The following ZNF865 variants were observed in gnomAD, a reference collection of about 807,000 sequenced individuals.
The protein encoded by ZNF865 is zinc finger protein 865.
For missense variants in ZNF865, 1,311 were observed against 1,593.4 expected (o/e 0.82, Z 3.02); for synonymous variants, 763 against 750.8 (o/e 1.02, Z -0.27).
rs377309857 is a variant in ZNF865 at position 55,609,034 on chromosome 19, G to T, written c.-27+3302G>T. ...TGTGACTTTAGAAGTTTGTTTGTTT[G>T]TTTTTGAGAAACAGAGTCTCACTCT... On this transcript the variant is annotated intron_variant, in intron 1 of 1. Coordinates refer to ENST00000568956, the MANE Select transcript of ZNF865 (RefSeq NM_001195605.2). Among the ~76,000 whole-genome samples, 25 of 152,194 alleles carry T rather than the reference G, an allele frequency of 1.6e-4. No individual in the cohort carries two copies. In the East Asian group the frequency reaches 2.5e-3, roughly 15 times the overall value.
chr19:55,614,472 C>T lies in ZNF865; in HGVS notation c.854C>T (p.Pro285Leu). Reference protein sequence around the residue: ...KDVPPAAGGPPQPGPHLPPLG... With the variant: ...KDVPPAAGGPLQPGPHLPPLG... ...GTGCCACCGGCCGCGGGGGGCCCGCCCCAGCCCGGCCCCCACCTCCCGCCG... is the reference window on the plus strand; with the variant it reads ...GTGCCACCGGCCGCGGGGGGCCCGCTCCAGCCCGGCCCCCACCTCCCGCCG... The change falls in exon 2 of 2, where the codon CCC becomes CTC. Residue 285 changes from proline to leucine, a missense_variant. By Grantham distance (98) the Pro-to-Leu change is moderately conservative. Transcript: ENST00000568956. The surrounding 1 kb of genome is among the most constrained non-coding windows in gnomAD (Gnocchi z 8.0). 7.2e-7 allele frequency: 1 copy of T among 1,382,868 alleles called. No individual in the cohort carries two copies. The highest frequency in any genetic ancestry group is 9.3e-7 in the Non-Finnish European group (1 of 1,069,594). The allele number at this position is 1,382,868 out of a possible 1,614,324, so 85.7% of individuals were successfully genotyped here.
In ZNF865 at chr19:55,615,449, T is replaced by A; in HGVS notation, c.1831T>A (p.Cys611Ser). ...TRERPYKCEL[C>S]GKVFGYPQSL... ...CGAGCGGCCCTACAAGTGCGAGCTC[T>A]GCGGCAAGGTCTTCGGCTACCCGCA... Residue 611 changes from cysteine (C) to serine (S), a missense_variant, in exon 2 of 2, where the codon TGC becomes AGC. Physicochemically the swap from Cys to Ser is moderately radical, Grantham distance 112 (BLOSUM62 -1). Transcript: ENST00000568956. 6.7e-7 allele frequency: 1 copy of A among 1,502,910 alleles called. No individual in the cohort carries two copies. The highest frequency in any genetic ancestry group is 1.2e-5 in the South Asian group (1 of 80,094). 93.1% of individuals were successfully genotyped at this position (1,502,910 alleles called of 1,614,324 possible).
chr19:55,606,929 T>C (rs924133065), intron 1 of ZNF865, among the ~76,000 whole-genome samples: 6 of 152,102 alleles, frequency 3.9e-5, no homozygotes, highest in African/African-American at 1.4e-4. Context: ...AGCTTAGCCA[T>C]GCAAAGATCT....
chr19:55,613,638 G>T lies in ZNF865; in HGVS notation c.20G>T (p.Gly7Val). 1 of 1,522,564 alleles carries T rather than the reference G, an allele frequency of 6.6e-7. No individual in the cohort carries two copies. The highest frequency in any genetic ancestry group is 8.8e-7 in the Non-Finnish European group (1 of 1,140,036). The allele number at this position is 1,522,564 out of a possible 1,614,324, so 94.3% of individuals were successfully genotyped here. The change falls in exon 2 of 2, where the codon GGC (glycine) becomes GTC (valine). Residue 7 changes from glycine to valine, a missense_variant. Physicochemically the swap from Gly to Val is moderately radical, Grantham distance 109. Coordinates refer to ENST00000568956, the MANE Select transcript of ZNF865 (RefSeq NM_001195605.2). The stretch of plus-strand genomic sequence containing the variant: ...CCGGAGATGGAGGCGAACCCAGCGG[G>T]CAGCGGCGCCGGGGGTGGCGGGAGC... Reference protein sequence around the residue: MEANPAGSGAGGGGSSG... With the variant: MEANPAVSGAGGGGSSG...
In ZNF865 at chr19:55,613,655, G is replaced by A. The variant is rs1332010044; in HGVS notation, c.37G>A (p.Gly13Ser). 2 of 1,527,644 alleles carry A rather than the reference G, an allele frequency of 1.3e-6. No individual in the cohort carries two copies. The highest frequency in any genetic ancestry group is 2.4e-5 in the East Asian group (1 of 40,844). 94.6% of individuals were successfully genotyped at this position (1,527,644 alleles called of 1,614,324 possible). A position where few individuals can be genotyped will look rare whatever the true frequency, so the allele number is the denominator to read the frequency against. ...ANPAGSGAGGGGSSGIGGEDG... is the reference protein window; with the variant it reads ...ANPAGSGAGGSGSSGIGGEDG... ...CCCAGCGGGCAGCGGCGCCGGGGGTGGCGGGAGCAGCGGCATCGGGGGCGA... is the reference window on the plus strand; with the variant it reads ...CCCAGCGGGCAGCGGCGCCGGGGGTAGCGGGAGCAGCGGCATCGGGGGCGA... Residue 13 changes from glycine (G) to serine (S), a missense_variant, in exon 2 of 2, where the codon GGC becomes AGC. Physicochemically the swap from Gly to Ser is moderately conservative, Grantham distance 56. Transcript: ENST00000568956.
intron 1 of ZNF865, 128 bp from the exon 2 acceptor site, chr19:55,613,456 AGAGGGACTG>A (rs2123589576): frequency 1.3e-6 from 1 of 786,392 alleles, no homozygotes; most frequent in African/African-American, 1.8e-5. Flanking sequence ...GTGGACAGGC[AGAGGGACTG>A]GAAGCCTAAA....
intron 1 of ZNF865, among the ~76,000 whole-genome samples, chr19:55,609,099 A>G (rs1367379369): frequency 6.6e-6 from 1 of 151,984 alleles, no homozygotes; most frequent in Non-Finnish European, 1.5e-5. Context: ...GCTCACTGCA[A>G]CCTCTGTGTC....
intron 1 of ZNF865, chr19:55,612,427 G>C (rs1239816535): frequency 2.0e-5 from 3 of 152,136 alleles, no homozygotes; most frequent in South Asian, 2.1e-4. Context: ...ACTTTTTTCA[G>C]TTCTCTAGGC....
At position 55,614,508 on chromosome 19, in the gene ZNF865, C is replaced by G; in HGVS notation, c.890C>G (p.Pro297Arg). The G allele has an allele frequency of 1.5e-6, 2 of 1,362,688 alleles. No individual in the cohort carries two copies. Among genetic ancestry groups the G allele is most frequent in the South Asian group, 3.3e-5 (2 of 60,466 alleles). 84.4% of individuals were successfully genotyped at this position (1,362,688 alleles called of 1,614,324 possible). A position where few individuals can be genotyped will look rare whatever the true frequency, so the allele number is the denominator to read the frequency against. Residue 297 changes from proline (P) to arginine (R), a missense_variant, in exon 2 of 2, where the codon CCA (proline) becomes CGA (arginine). Transcript: ENST00000568956. This position sits in a 1 kb window ranked among gnomAD's most constrained non-coding sequence, Gnocchi z 8.0. The stretch of plus-strand genomic sequence containing the variant: ...CCCCACCTCCCGCCGCTGGGCCTCC[C>G]AGCACCCGCTGCCAGCGCCGCCACC... The part of the protein sequence containing the change: ...PGPHLPPLGL[P>R]APAASAATAA...
Position 55,616,145 on chromosome 19 carries a change from C to G in ZNF865, c.2527C>G (p.Arg843Gly), listed in dbSNP as rs1360925477. Residue 843 changes from arginine (R) to glycine (G), a missense_variant, in exon 2 of 2, where the codon CGG (arginine) becomes GGG (glycine). By Grantham distance (125) the Arg-to-Gly change is moderately radical (BLOSUM62 -2). Coordinates refer to ENST00000568956, the MANE Select transcript of ZNF865 (RefSeq NM_001195605.2). ...YDLLLHRRSHRQKRGFRCPVC... is the reference protein window; with the variant it reads ...YDLLLHRRSHGQKRGFRCPVC... Reference sequence around the variant, plus strand: ...CTTGCTCCTACACCGCCGCAGCCATCGGCAGAAGCGGGGTTTCCGCTGCCC... The same window carrying G: ...CTTGCTCCTACACCGCCGCAGCCATGGGCAGAAGCGGGGTTTCCGCTGCCC... The G allele has an allele frequency of 6.7e-6, 10 of 1,501,004 alleles. No homozygotes were observed. The highest frequency in any genetic ancestry group is 8.9e-6 in the Non-Finnish European group (10 of 1,128,108). 93.0% of individuals were successfully genotyped at this position (1,501,004 alleles called of 1,614,324 possible).
Position 55,616,491 on chromosome 19 carries a change from G to A in ZNF865, c.2873G>A (p.Arg958His), listed in dbSNP as rs1403337194. ...LEHQRLHLGE[R>H]AYRCEHCGKG... Reference sequence around the variant, plus strand: ...CACCAGCGGCTGCACCTGGGCGAGCGCGCCTACCGCTGTGAGCACTGCGGC... The same window carrying A: ...CACCAGCGGCTGCACCTGGGCGAGCACGCCTACCGCTGTGAGCACTGCGGC... Residue 958 changes from arginine (R) to histidine (H), a missense_variant, in exon 2 of 2, where the codon CGC (arginine) becomes CAC (histidine). Transcript: ENST00000568956. 2 of 1,533,820 alleles carry A rather than the reference G, an allele frequency of 1.3e-6. No individual in the cohort carries two copies. The highest frequency in any genetic ancestry group is 1.7e-6 in the Non-Finnish European group (2 of 1,145,796).
chr19:55,609,337 A>G (rs998626937), intron 1 of ZNF865, among the ~76,000 whole-genome samples: 1 of 152,064 alleles, frequency 6.6e-6, no homozygotes, highest in Non-Finnish European at 1.5e-5. Context: ...TGGAAGTTTA[A>G]TTTATCTCTC....
rs1198122244 is a variant in ZNF865 at position 55,614,168 on chromosome 19, C to G, written c.550C>G (p.Pro184Ala). 2 of 1,473,146 alleles carry G rather than the reference C, an allele frequency of 1.4e-6. No individual in the cohort carries two copies. The highest frequency in any genetic ancestry group is 1.8e-6 in the Non-Finnish European group (2 of 1,119,568). 91.3% of individuals were successfully genotyped at this position (1,473,146 alleles called of 1,614,324 possible). A position where few individuals can be genotyped will look rare whatever the true frequency, so the allele number is the denominator to read the frequency against. The change falls in exon 2 of 2, where the codon CCA becomes GCA. Residue 184 changes from proline (P) to alanine (A), a missense_variant. Pro to Ala is a conservative substitution (Grantham distance 27, BLOSUM62 -1). Coordinates refer to ENST00000568956, the MANE Select transcript of ZNF865 (RefSeq NM_001195605.2). The surrounding 1 kb of genome is among the most constrained non-coding windows in gnomAD (Gnocchi z 8.0). ...TGGGCTGGGCGCTCCCGCGGGGGCC[C>G]CAGGGCCGCTTCCTGCCCCCTCGCA... Reference protein sequence around the residue: ...TPGLGAPAGAPGPLPAPSQTP... With the variant: ...TPGLGAPAGAAGPLPAPSQTP...
Position 55,613,654 on chromosome 19 carries a change from T to TGGCGGGAGCAGCGGC in ZNF865, c.37_51dup (p.Gly13_Gly17dup). The stretch of plus-strand genomic sequence containing the variant: ...ACCCAGCGGGCAGCGGCGCCGGGGG[T>TGGCGGGAGCAGCGGC]GGCGGGAGCAGCGGCATCGGGGGCG... On this transcript the variant is annotated inframe_insertion, in exon 2 of 2. Transcript: ENST00000568956. The TGGCGGGAGCAGCGGC allele has an allele frequency of 6.6e-7, 1 of 1,525,714 alleles. No individual in the cohort carries two copies. Among genetic ancestry groups the TGGCGGGAGCAGCGGC allele is most frequent in the Non-Finnish European group, 8.8e-7 (1 of 1,141,956 alleles). 94.5% of individuals were successfully genotyped at this position (1,525,714 alleles called of 1,614,324 possible).
rs925251152 is a variant in ZNF865, at chr19:55,613,872, T to C, written c.254T>C (p.Phe85Ser). 1.2e-4 allele frequency: 162 copies of C among 1,365,552 alleles called. No homozygotes were observed. The highest frequency in any genetic ancestry group is 1.5e-4 in the Non-Finnish European group (154 of 1,038,756). 84.6% of individuals were successfully genotyped at this position (1,365,552 alleles called of 1,614,324 possible). ...PQYDYPPQST[F>S]KPKAEVPSSS... is the part of the protein sequence containing the mutation. ...TATGACTACCCGCCCCAGTCCACCTTCAAGCCCAAGGCGGAGGTGCCCTCC... is the reference window on the plus strand; with the variant it reads ...TATGACTACCCGCCCCAGTCCACCTCCAAGCCCAAGGCGGAGGTGCCCTCC... Residue 85 changes from phenylalanine (F) to serine (S), a missense_variant, in exon 2 of 2, where the codon TTC becomes TCC. Phe to Ser is a radical substitution (Grantham distance 155). Transcript: ENST00000568956.
chr19:55,616,293 G>T lies in ZNF865; in HGVS notation c.2675G>T (p.Arg892Leu). 6.6e-7 allele frequency: 1 copy of T among 1,518,768 alleles called. No homozygotes were observed. The highest frequency in any genetic ancestry group is 1.4e-5 in the African/African-American group (1 of 72,114). 94.1% of individuals were successfully genotyped at this position (1,518,768 alleles called of 1,614,324 possible). A position where few individuals can be genotyped will look rare whatever the true frequency, so the allele number is the denominator to read the frequency against. Residue 892 changes from arginine to leucine, a missense_variant, in exon 2 of 2, where the codon CGG (arginine) becomes CTG (leucine). Physicochemically the swap from Arg to Leu is moderately radical, Grantham distance 102. Coordinates refer to ENST00000568956, the MANE Select transcript of ZNF865 (RefSeq NM_001195605.2). ...GRGFLRSWYL[R>L]QHRVVHTGER... ...GGCTTCCTGCGCTCCTGGTACCTGC[G>T]GCAGCACCGCGTGGTGCACACTGGC...
Position 55,613,806 on chromosome 19 carries a change from G to GGCCC in ZNF865, c.188_189insGCCC (p.Gln67AlafsTer13). 2.7e-6 allele frequency: 4 copies of GGCCC among 1,456,310 alleles called. No individual in the cohort carries two copies. Among genetic ancestry groups the GGCCC allele is most frequent in the South Asian group, 1.3e-5 (1 of 75,720 alleles). 90.2% of individuals were successfully genotyped at this position (1,456,310 alleles called of 1,614,324 possible). A position where few individuals can be genotyped will look rare whatever the true frequency, so the allele number is the denominator to read the frequency against. On this transcript the variant is annotated frameshift_variant, in exon 2 of 2. Transcript: ENST00000568956. LOFTEE classifies it low-confidence loss of function (END_TRUNC). ...GTGGCGGCCCTGCCCTGCGCCCCCGGCCCCCCGCCGCAGCCCCCGCCGCAG... is the reference window on the plus strand; with the variant it reads ...GTGGCGGCCCTGCCCTGCGCCCCCGGGCCCCCCCCCGCCGCAGCCCCCGCCGCAG...
intron 1 of ZNF865, among the ~76,000 whole-genome samples, chr19:55,609,350 G>A (rs889875775): frequency 3.3e-5 from 5 of 152,058 alleles, no homozygotes; most frequent in Admixed American, 3.3e-4. Context: ...TATCTCTCTG[G>A]CCCTCAGTCT....
At chr19:55,612,375 T>C (rs1981169462) in intron 1 of ZNF865, 1 of 152,202 alleles carries the variant, frequency 6.6e-6, no homozygotes, top group Non-Finnish European at 1.5e-5. Flanking sequence ...AATTCTCCTT[T>C]CTACTGTCTA....
Sources: allele counts gnomAD v4.1 joint callset (sites outside exome capture counted in the v4.1 genomes callset), GRCh38; gene constraint gnomAD v4.1.1; non-coding constraint Gnocchi (gnomAD v3.1); transcripts MANE v1.5; gene names NCBI Gene and HGNC (gene_info 2026-07-23, HGNC 2026-07-21).